The following SMAD2 variants were observed in gnomAD, a reference collection of about 807,000 sequenced individuals.
The protein encoded by SMAD2 is SMAD family member 2.
Under a neutral mutation model 64.4 loss-of-function variants are expected in SMAD2, and 8 were observed. The ratio of observed to expected loss-of-function variants is 0.12; its 90% CI spans 0.07 to 0.22. SMAD2 has a LOEUF of 0.22. SMAD2 is among the 10% of genes least tolerant of loss of function. The pLI, the probability that SMAD2 is intolerant of heterozygous loss-of-function variation, is 1.00. For synonymous variants in SMAD2, 203 were observed against 195.8 expected, an observed-to-expected ratio of 1.04 and a Z score of -0.31; for missense variants, 289 against 561.2, an observed-to-expected ratio of 0.51 and a Z score of 4.90.
rs1210109420 is a variant in SMAD2 at position 47,833,743 on chromosome 18, A to G, written c.*8084T>C. On this transcript the variant is annotated 3_prime_UTR_variant, in exon 11 of 11. Coordinates refer to ENST00000262160, the MANE Select transcript of SMAD2 (RefSeq NM_005901.6). ...AATCATTTTAACACAACATTCACGG[A>G]AAAATGTTAACAACACATTCTGGCT... The G allele has an allele frequency of 4.3e-6, 1 of 230,232 alleles. No individual in the cohort carries two copies. Among genetic ancestry groups the G allele is most frequent in the East Asian group, 6.1e-5 (1 of 16,374 alleles). 14.3% of individuals were successfully genotyped at this position (230,232 alleles called of 1,614,324 possible). A position where few individuals can be genotyped will look rare whatever the true frequency, so the allele number is the denominator to read the frequency against.
intron 2 of SMAD2, among the ~76,000 whole-genome samples, chr18:47,887,905 G>A (rs1198748203): frequency 6.6e-6 from 1 of 152,122 alleles, no homozygotes; most frequent in African/African-American, 2.4e-5. Flanking sequence ...TTTTCACTAT[G>A]GGGTCCTTCT....
At chr18:47,925,306 A>G (rs1345601268) in intron 1 of SMAD2, among the ~76,000 whole-genome samples, 1 of 152,218 alleles carries the variant, frequency 6.6e-6, no homozygotes, top group Non-Finnish European at 1.5e-5. Flanking sequence ...CAGAATTTCT[A>G]TTTTCTTAAG....
chr18:47,845,451 A>T lies in SMAD2; in HGVS notation c.1169T>A (p.Phe390Tyr), dbSNP rs2144288010. The T allele has an allele frequency of 4.3e-6, 7 of 1,613,828 alleles. No homozygotes were observed. The highest frequency in any genetic ancestry group is 5.9e-6 in the Non-Finnish European group (7 of 1,179,764). ...AACAGACTGAGCCAGAAGAGCAGCA[A>T]ATTCCTGGTTGTTGAAGATCTTCAG... ...CNLKIFNNQEFAALLAQSVNQ... is the reference protein window; with the variant it reads ...CNLKIFNNQEYAALLAQSVNQ... Residue 390 changes from phenylalanine (F) to tyrosine (Y), a missense_variant, in exon 10 of 11, where the codon TTT becomes TAT. This residue lies in a region of SMAD2 where 49 missense variants were observed against 101.1 expected (regional missense o/e 0.48). Coordinates refer to ENST00000262160, the MANE Select transcript of SMAD2 (RefSeq NM_005901.6).
At chr18:47,884,833 T>C (rs1419368226) in intron 2 of SMAD2, among the ~76,000 whole-genome samples, 2 of 152,182 alleles carry the variant, frequency 1.3e-5, no homozygotes, top group African/African-American at 2.4e-5. Context: ...GACCAGGTGA[T>C]GATTGAAAAA....
intron 2 of SMAD2, among the ~76,000 whole-genome samples, chr18:47,883,672 C>T (rs1402403214): frequency 1.3e-5 from 2 of 152,124 alleles, no homozygotes; most frequent in Non-Finnish European, 2.9e-5. Flanking sequence ...TGTTATGACT[C>T]CCTGATGTTG....
chr18:47,907,560 T>C (rs556528324), intron 1 of SMAD2, among the ~76,000 whole-genome samples: 88 of 152,224 alleles, frequency 5.8e-4, no homozygotes, highest in Non-Finnish European at 1.2e-3. Flanking sequence ...AAGTGTTCTC[T>C]ATCTTTGTTT....
At chr18:47,863,587 C>T (rs1481435863) in intron 6 of SMAD2, among the ~76,000 whole-genome samples, 1 of 152,162 alleles carries the variant, frequency 6.6e-6, no homozygotes, top group Non-Finnish European at 1.5e-5. Context: ...TAACATACTG[C>T]TTTCAAGGTC....
At chr18:47,918,079 C>T (rs904214439) in intron 1 of SMAD2, among the ~76,000 whole-genome samples, 5 of 152,116 alleles carry the variant, frequency 3.3e-5, no homozygotes, top group African/African-American at 9.7e-5. Context: ...GAGGGCCAGG[C>T]AGGGGAAGGA....
rs187564036 is a variant in SMAD2, at chr18:47,839,793, T to C, written c.*2034A>G. ...CCTTTTTGCATTTGATGCTATTCTCTTTGCCAGGAATGCTTATCTCCCCTG... is the reference window on the plus strand; with the variant it reads ...CCTTTTTGCATTTGATGCTATTCTCCTTGCCAGGAATGCTTATCTCCCCTG... On this transcript the variant is annotated 3_prime_UTR_variant, in exon 11 of 11. Coordinates refer to ENST00000262160, the MANE Select transcript of SMAD2 (RefSeq NM_005901.6). 49 of 233,284 alleles carry C rather than the reference T, an allele frequency of 2.1e-4. No homozygotes were observed. In the Admixed American group the frequency reaches 2.7e-3, roughly 13 times the overall value. The allele number at this position is 233,284 out of a possible 1,614,324, so 14.5% of individuals were successfully genotyped here. A position where few individuals can be genotyped will look rare whatever the true frequency, so the allele number is the denominator to read the frequency against.
intron 2 of SMAD2, among the ~76,000 whole-genome samples, chr18:47,894,058 G>A (rs1047682678): frequency 1.3e-5 from 2 of 152,152 alleles, no homozygotes; most frequent in African/African-American, 2.4e-5. Flanking sequence ...TGGGAAATAA[G>A]GAAAAGAGCT....
chr18:47,843,961 AG>A (rs1276767874), intron 10 of SMAD2, among the ~76,000 whole-genome samples: 4 of 129,064 alleles, frequency 3.1e-5, no homozygotes, highest in Non-Finnish European at 7.5e-5. Flanking sequence ...AACCTTCTGA[AG>A]AACAAAAAAA....
chr18:47,860,109 G>C (rs1171772077), intron 6 of SMAD2, among the ~76,000 whole-genome samples: 1 of 151,974 alleles, frequency 6.6e-6, no homozygotes, highest in Non-Finnish European at 1.5e-5. Context: ...ACTCCAGCCT[G>C]GGCAACGAAG....
chr18:47,927,439 C>T (rs1038988213), intron 1 of SMAD2, among the ~76,000 whole-genome samples: 2 of 152,192 alleles, frequency 1.3e-5, no homozygotes, highest in Non-Finnish European at 2.9e-5. Context: ...AACTGTCTTA[C>T]TCTAAACACT....
At chr18:47,889,568 G>A (rs1295162077) in intron 2 of SMAD2, among the ~76,000 whole-genome samples, 4 of 152,032 alleles carry the variant, frequency 2.6e-5, no homozygotes, top group Admixed American at 6.5e-5. Flanking sequence ...TCAGGAGATC[G>A]AGACCATCCT....
chr18:47,837,595 A>C lies in SMAD2; in HGVS notation c.*4232T>G, dbSNP rs1003483348. On this transcript the variant is annotated 3_prime_UTR_variant, in exon 11 of 11. Coordinates refer to ENST00000262160, the MANE Select transcript of SMAD2 (RefSeq NM_005901.6). The stretch of plus-strand genomic sequence containing the variant: ...AAAAAAAAAACAAAAAACAAGGCTA[A>C]CAAGAAAGAGGATAACCAGCAAGTA... The C allele has an allele frequency of 1.7e-5, 4 of 232,102 alleles. No homozygotes were observed. Among genetic ancestry groups the C allele is most frequent in the African/African-American group, 8.8e-5 (4 of 45,242 alleles). The allele number at this position is 232,102 out of a possible 1,614,324, so 14.4% of individuals were successfully genotyped here. A position where few individuals can be genotyped will look rare whatever the true frequency, so the allele number is the denominator to read the frequency against.
rs1912350126 is a variant in SMAD2 at position 47,815,898 on chromosome 18, C to T, written c.*25929G>A. 6.6e-6 allele frequency: 1 copy of T among 152,142 alleles called. No homozygotes were observed. Among genetic ancestry groups the T allele is most frequent in the Non-Finnish European group, 1.5e-5 (1 of 68,048 alleles). The allele number at this position is 152,142 out of a possible 1,614,324, so 9.4% of individuals were successfully genotyped here. A position where few individuals can be genotyped will look rare whatever the true frequency, so the allele number is the denominator to read the frequency against. ...AGTTTTCAGAGGAGGAATAATTGAC[C>T]TATGTATGAGTTCTAGAGAAGCCTT... On this transcript the variant is annotated 3_prime_UTR_variant, in exon 11 of 11. Coordinates refer to ENST00000262160, the MANE Select transcript of SMAD2 (RefSeq NM_005901.6).
At chr18:47,849,225 C>T (rs1431378776) in intron 7 of SMAD2, among the ~76,000 whole-genome samples, 1 of 152,066 alleles carries the variant, frequency 6.6e-6, no homozygotes, top group Admixed American at 6.6e-5. Flanking sequence ...AGAAAACCCA[C>T]TCATACATAA....
chr18:47,850,782 A>ATATATTATATATTATATATATTATG (rs1436367555), intron 7 of SMAD2, among the ~76,000 whole-genome samples: 1 of 7,004 alleles, frequency 1.4e-4, no homozygotes, highest in African/African-American at 2.9e-4. Context: ...TATGTATAAT[A>ATATATTATATATTATATATATTATG]TATATTATAT....
chr18:47,872,724 C>G lies in SMAD2; in HGVS notation c.237-2160G>C, dbSNP rs114876242. On this transcript the variant is annotated intron_variant, in intron 2 of 10. Transcript: ENST00000262160. ...ACATGCGAGGGCTTTAGGCTGGGCACTCCTTAAGAGAATCTAACTAATGCC... is the reference window on the plus strand; with the variant it reads ...ACATGCGAGGGCTTTAGGCTGGGCAGTCCTTAAGAGAATCTAACTAATGCC... 2.5e-3 allele frequency among the ~76,000 whole-genome samples: 373 copies of G among 152,224 alleles called. 1 individual carries two copies. Among genetic ancestry groups the G allele is most frequent in the African/African-American group, 8.4e-3 (350 of 41,524 alleles).
Sources: allele counts gnomAD v4.1 joint callset (sites outside exome capture counted in the v4.1 genomes callset), GRCh38; gene constraint gnomAD v4.1.1; regional missense constraint gnomAD v4.1.1; transcripts MANE v1.5; gene names NCBI Gene and HGNC (gene_info 2026-07-23, HGNC 2026-07-21).